Variants in DYNC1LI1 observed in about 807,000 individuals in gnomAD.
DYNC1LI1 encodes the protein dynein cytoplasmic 1 light intermediate chain 1.
Under a neutral mutation model 63.8 loss-of-function variants are expected in DYNC1LI1, and 19 were observed. The ratio of observed to expected loss-of-function variants is 0.30; its 90% CI spans 0.21 to 0.44. The LOEUF (loss-of-function observed/expected upper bound fraction) is 0.44. Ranked by LOEUF, DYNC1LI1 falls within the 20% of genes least tolerant of loss-of-function variation. DYNC1LI1 has a pLI of 1.00. For missense variants in DYNC1LI1, 565 were observed against 630.2 expected, an observed-to-expected ratio of 0.90 and a Z score of 1.11; for synonymous variants, 225 against 232.3, an observed-to-expected ratio of 0.97 and a Z score of 0.28.
At chr3:32,526,985 A>T (rs1697627935) in intron 12 of DYNC1LI1, 77 bp from the exon 13 acceptor site, 1 of 966,214 alleles carries the variant, frequency 1.0e-6, no homozygotes, top group Admixed American at 2.1e-5. Context: ...CTCTTCATTT[A>T]AAAAGTCCTA....
chr3:32,556,884 A>G (rs1166253589), intron 2 of DYNC1LI1, among the ~76,000 whole-genome samples: 1 of 152,190 alleles, frequency 6.6e-6, no homozygotes, highest in Non-Finnish European at 1.5e-5. Context: ...TTCATAATAT[A>G]CTTCATCTGT....
rs542221787 is a variant in DYNC1LI1 at position 32,539,787 on chromosome 3, G to A, written c.738+1250C>T. 3.8e-4 allele frequency among the ~76,000 whole-genome samples: 57 copies of A among 151,224 alleles called. 1 individual carries two copies. The South Asian group carries it at 0.011, about 28-fold the overall frequency. ...CCTGATCTCATGATCCGCCCACCTC[G>A]ACCTCCCAAAATGCTGGGATTACAG... is the stretch of plus-strand genomic sequence containing the variant. On this transcript the variant is annotated intron_variant, in intron 5 of 12. Coordinates refer to ENST00000273130, the MANE Select transcript of DYNC1LI1 (RefSeq NM_016141.4).
chr3:32,566,906 T>G (rs1017959493), intron 2 of DYNC1LI1, among the ~76,000 whole-genome samples: 5 of 152,322 alleles, frequency 3.3e-5, no homozygotes, highest in Middle Eastern at 6.8e-3. Context: ...AAAACAAATC[T>G]TAATGAAATC....
intron 2 of DYNC1LI1, among the ~76,000 whole-genome samples, chr3:32,550,935 G>A (rs1321412929): frequency 6.6e-6 from 1 of 151,502 alleles, no homozygotes; most frequent in Non-Finnish European, 1.5e-5. Flanking sequence ...AAGAGCCTGG[G>A]TGATCAAGTG....
Position 32,526,649 on chromosome 3 carries a change from G to A in DYNC1LI1, c.*150C>T, listed in dbSNP as rs746612796. ...CTGTACGGCTCCTTCTAAAAAATGG[G>A]TAACCACACACACACACACACACAC... On this transcript the variant is annotated 3_prime_UTR_variant, in exon 13 of 13. Transcript: ENST00000273130. The A allele has an allele frequency of 3.4e-4, 174 of 516,458 alleles. No individual in the cohort carries two copies. Among genetic ancestry groups the A allele is most frequent in the Non-Finnish European group, 5.5e-4 (160 of 291,362 alleles). 32.0% of individuals were successfully genotyped at this position (516,458 alleles called of 1,614,324 possible).
At chr3:32,546,022 T>A in intron 2 of DYNC1LI1, 57 bp from the exon 3 acceptor site, 1 of 1,222,406 alleles carries the variant, frequency 8.2e-7, no homozygotes, top group Non-Finnish European at 1.2e-6. Flanking sequence ...TATTTAAGGA[T>A]GCTTTCTAGT....
At chr3:32,539,527 G>T (rs1003087297) in intron 5 of DYNC1LI1, among the ~76,000 whole-genome samples, 2 of 151,650 alleles carry the variant, frequency 1.3e-5, no homozygotes, top group Non-Finnish European at 2.9e-5. Flanking sequence ...ACATGAAATT[G>T]ATCTATTATT....
At chr3:32,547,561 T>A (rs1478122539) in intron 2 of DYNC1LI1, among the ~76,000 whole-genome samples, 2 of 152,142 alleles carry the variant, frequency 1.3e-5, no homozygotes, top group African/African-American at 4.8e-5. Flanking sequence ...ATAATCCTAC[T>A]GGGGCCAAGG....
intron 5 of DYNC1LI1, among the ~76,000 whole-genome samples, chr3:32,540,335 TAA>T (rs999280862): frequency 1.3e-5 from 2 of 152,152 alleles, no homozygotes. Context: ...GCTACATGTT[TAA>T]AAGTCTACTT....
At chr3:32,548,204 G>A (rs976176313) in intron 2 of DYNC1LI1, among the ~76,000 whole-genome samples, 15 of 152,086 alleles carry the variant, frequency 9.9e-5, no homozygotes, top group African/African-American at 3.4e-4. Context: ...CACACAGCAG[G>A]AGGTGAGCCG....
intron 4 of DYNC1LI1, among the ~76,000 whole-genome samples, chr3:32,544,256 AG>A (rs1241434687): frequency 4.9e-4 from 75 of 152,290 alleles, no homozygotes; most frequent in African/African-American, 1.6e-3. Flanking sequence ...CATTTTGACA[AG>A]GTCAGTAAGA....
intron 10 of DYNC1LI1, 148 bp from the exon 11 acceptor site, chr3:32,529,808 C>A (rs1697670861): frequency 1.6e-6 from 1 of 635,934 alleles, no homozygotes; most frequent in South Asian, 2.6e-5. Context: ...TGTTAGCAAT[C>A]CTGTCCTCAT....
At chr3:32,558,574 G>T (rs568065120) in intron 2 of DYNC1LI1, among the ~76,000 whole-genome samples, 1 of 152,058 alleles carries the variant, frequency 6.6e-6, no homozygotes, top group Admixed American at 6.6e-5. Flanking sequence ...GGCCGGGAGC[G>T]GTGGCTCACG....
At chr3:32,536,069 G>A (rs1697769943) in intron 6 of DYNC1LI1, among the ~76,000 whole-genome samples, 1 of 152,262 alleles carries the variant, frequency 6.6e-6, no homozygotes, top group Non-Finnish European at 1.5e-5. Context: ...TTGGTGACAT[G>A]AGAAGAGAAA....
At chr3:32,562,075 C>G (rs1349293095) in intron 2 of DYNC1LI1, among the ~76,000 whole-genome samples, 1 of 152,058 alleles carries the variant, frequency 6.6e-6, no homozygotes, top group Non-Finnish European at 1.5e-5. Context: ...GAGTTTGAGA[C>G]CAGGCTGGGC....
At chr3:32,547,893 A>G (rs1387425363) in intron 2 of DYNC1LI1, among the ~76,000 whole-genome samples, 2 of 152,162 alleles carry the variant, frequency 1.3e-5, no homozygotes, top group Non-Finnish European at 2.9e-5. Flanking sequence ...ATAGATAAGG[A>G]AAATCTGGTA....
chr3:32,547,783 G>A (rs1398519603), intron 2 of DYNC1LI1, among the ~76,000 whole-genome samples: 1 of 152,110 alleles, frequency 6.6e-6, no homozygotes, highest in Non-Finnish European at 1.5e-5. Flanking sequence ...AAGTAAATAC[G>A]TTAAAGAGAT....
intron 2 of DYNC1LI1, among the ~76,000 whole-genome samples, chr3:32,564,233 G>C (rs1391260859): frequency 6.6e-6 from 1 of 152,166 alleles, no homozygotes; most frequent in Non-Finnish European, 1.5e-5. Context: ...AAGATCTCTT[G>C]AGCCCAGGAG....
chr3:32,558,020 A>G (rs529503960), intron 2 of DYNC1LI1, among the ~76,000 whole-genome samples: 98 of 152,256 alleles, frequency 6.4e-4, no homozygotes, highest in African/African-American at 2.3e-3. Context: ...ATTTAAAAAA[A>G]CAAATCATTT....
Sources: allele counts gnomAD v4.1 joint callset (sites outside exome capture counted in the v4.1 genomes callset), GRCh38; gene constraint gnomAD v4.1.1; transcripts MANE v1.5; gene names NCBI Gene and HGNC (gene_info 2026-07-23, HGNC 2026-07-21).